TMEM74: variants seen among roughly 807,000 people sequenced by gnomAD.
TMEM74 encodes the protein transmembrane protein 74.
In TMEM74, 13 loss-of-function variants were observed where a neutral mutation model predicts 18.1. The observed-to-expected ratio is 0.72, with a 90% CI of 0.47 to 1.14. TMEM74 has a LOEUF of 1.14. Ranked by LOEUF, TMEM74 falls within the 50% of genes most tolerant of loss-of-function variation. The probability of loss-of-function intolerance (pLI) is 0.00; values close to 1 mark genes in which losing one functional copy is unlikely to be tolerated. For synonymous variants in TMEM74, 159 were observed against 146.6 expected (o/e 1.08, Z -0.61); for missense variants, 372 against 375.9 (o/e 0.99, Z 0.09).
At chr8:108,732,782 A>AGT (rs1813708762) in intron 1 of TMEM74, among the ~76,000 whole-genome samples, 1 of 148,264 alleles carries the variant, frequency 6.7e-6, no homozygotes, top group Non-Finnish European at 1.5e-5. Context: ...AATATTTTCA[A>AGT]ATATATATAT....
intron 1 of TMEM74, among the ~76,000 whole-genome samples, chr8:108,740,066 G>A (rs1813785456): frequency 1.3e-5 from 2 of 152,076 alleles, no homozygotes; most frequent in Admixed American, 1.3e-4. Flanking sequence ...CATTTATAAG[G>A]TACATGTTCT....
intron 2 of TMEM74, among the ~76,000 whole-genome samples, chr8:108,647,785 G>A (rs1035007049): frequency 5.3e-5 from 8 of 152,102 alleles, no homozygotes; most frequent in Non-Finnish European, 1.2e-4. Context: ...AAGGCAAGAA[G>A]ATAAACAGGT....
exon 4 of TMEM74, chr8:108,607,689 T>G (rs1052696571): frequency 6.6e-6 from 1 of 152,218 alleles, no homozygotes; most frequent in African/African-American, 2.4e-5. Context: ...AAGACACTTA[T>G]GACGTTTTCA....
intron 1 of TMEM74, among the ~76,000 whole-genome samples, chr8:108,715,728 C>A (rs568145534): frequency 6.6e-6 from 1 of 151,668 alleles, no homozygotes; most frequent in African/African-American, 2.4e-5. Context: ...CATATACAGG[C>A]AAAGATATAT....
At chr8:108,679,655 T>A (rs1312337675) in intron 1 of TMEM74, among the ~76,000 whole-genome samples, 1 of 152,180 alleles carries the variant, frequency 6.6e-6, no homozygotes, top group Non-Finnish European at 1.5e-5. Context: ...TAGCCCTTTG[T>A]CAGATGAGTA....
chr8:108,670,195 CCTTT>C (rs1369242936), intron 1 of TMEM74, among the ~76,000 whole-genome samples: 2 of 152,144 alleles, frequency 1.3e-5, no homozygotes, highest in Non-Finnish European at 2.9e-5. Context: ...TGTCAAAAGT[CCTTT>C]CTTTATTTCA....
chr8:108,607,395 A>G (rs1812287157), exon 4 of TMEM74: 1 of 152,234 alleles, frequency 6.6e-6, no homozygotes, highest in East Asian at 1.9e-4. Flanking sequence ...AATGTCTAAA[A>G]TGAATAAACC....
intron 2 of TMEM74, among the ~76,000 whole-genome samples, chr8:108,621,089 T>C (rs1812435839): frequency 1.3e-5 from 2 of 152,158 alleles, no homozygotes; most frequent in South Asian, 2.1e-4. Flanking sequence ...GAATTTGTTT[T>C]GATTTGAGTT....
intron 1 of TMEM74, among the ~76,000 whole-genome samples, chr8:108,678,890 T>C (rs1813083717): frequency 2.2e-5 from 3 of 135,908 alleles, no homozygotes; most frequent in East Asian, 2.2e-4. Flanking sequence ...AATGCCATCC[T>C]CCCCCCCTCC....
chr8:108,648,834 C>T (rs565599330), intron 2 of TMEM74, among the ~76,000 whole-genome samples: 1 of 152,094 alleles, frequency 6.6e-6, no homozygotes, highest in Non-Finnish European at 1.5e-5. Flanking sequence ...TTATTTAGAA[C>T]CCTCAGGAAA....
At chr8:108,686,163 A>C (rs1205258588) in intron 1 of TMEM74, among the ~76,000 whole-genome samples, 1 of 152,118 alleles carries the variant, frequency 6.6e-6, no homozygotes. Flanking sequence ...AAGATAAACA[A>C]TGGGAGCGTA....
At chr8:108,657,894 A>G (rs1812860682) in intron 1 of TMEM74, among the ~76,000 whole-genome samples, 2 of 121,874 alleles carry the variant, frequency 1.6e-5, no homozygotes, top group African/African-American at 6.3e-5. Flanking sequence ...ATATATATAT[A>G]TATATATATT....
chr8:108,668,323 A>G (rs78760599), intron 1 of TMEM74, among the ~76,000 whole-genome samples: 4,474 of 152,310 alleles, frequency 0.029, 123 homozygotes, highest in African/African-American at 0.066. Flanking sequence ...ATAAAGGCAC[A>G]TTTATATTAT....
intron 1 of TMEM74, among the ~76,000 whole-genome samples, chr8:108,756,639 G>A (rs187607971): frequency 0.082 from 2,631 of 31,968 alleles, 112 homozygotes; most frequent in African/African-American, 0.14. Flanking sequence ...AGGAAGGAAG[G>A]AAGAAAGAAA....
intron 2 of TMEM74, among the ~76,000 whole-genome samples, chr8:108,644,565 C>T (rs1171759865): frequency 6.6e-6 from 1 of 152,076 alleles, no homozygotes; most frequent in East Asian, 1.9e-4. Flanking sequence ...AAAGCAGACA[C>T]CCTGCAGAAT....
intron 1 of TMEM74, among the ~76,000 whole-genome samples, chr8:108,726,744 A>T (rs1358688392): frequency 6.6e-6 from 1 of 152,160 alleles, no homozygotes; most frequent in Admixed American, 6.5e-5. Context: ...TATCAGTGCC[A>T]AAATAGACAA....
At chr8:108,656,740 T>A (rs1812824923) in intron 1 of TMEM74, among the ~76,000 whole-genome samples, 2 of 152,138 alleles carry the variant, frequency 1.3e-5, no homozygotes, top group South Asian at 4.1e-4. Flanking sequence ...TTCTCTATTT[T>A]TGCCATGTAG....
At chr8:108,775,930 C>T (rs73700370), downstream of TMEM74, among the ~76,000 whole-genome samples, 2,332 of 152,252 alleles carry the variant, frequency 0.015, 64 homozygotes, top group African/African-American at 0.054. Flanking sequence ...AAAATAAGTT[C>T]AATTTTTAGC....
intron 1 of TMEM74, among the ~76,000 whole-genome samples, chr8:108,763,015 G>A (rs1814063512): frequency 6.6e-6 from 1 of 152,090 alleles, no homozygotes; most frequent in African/African-American, 2.4e-5. Flanking sequence ...ATAAATGAAA[G>A]CACACATAAG....
Sources: gnomAD v4.1 joint callset for allele counts (sites outside exome capture counted in the v4.1 genomes callset) on GRCh38, gnomAD v4.1.1 for gene constraint, MANE v1.5 for transcripts, NCBI Gene and HGNC (gene_info 2026-07-23, HGNC 2026-07-21) for gene names.